Variants in CAMKK2 observed in about 807,000 individuals in gnomAD.
CAMKK2 encodes calcium/calmodulin dependent protein kinase kinase 2, also known as calcium/calmodulin-dependent protein kinase kinase 2.
Under a neutral mutation model 67.2 loss-of-function variants are expected in CAMKK2, and 30 were observed. That is an observed-to-expected ratio of 0.45 (90% CI 0.33 to 0.61). The LOEUF is 0.61. CAMKK2 is among the 20% of genes least tolerant of loss of function. The probability of loss-of-function intolerance (pLI) is 0.02; values close to 1 mark genes in which losing one functional copy is unlikely to be tolerated. For synonymous variants in CAMKK2, 322 were observed against 326.2 expected, an observed-to-expected ratio of 0.99 and a Z score of 0.14; for missense variants, 643 against 802.0, an observed-to-expected ratio of 0.80 and a Z score of 2.39.
chr12:121,255,915 G>T lies in CAMKK2; in HGVS notation c.797-111C>A, dbSNP rs1892185691. 5.0e-6 allele frequency: 5 copies of T among 996,292 alleles called. No homozygotes were observed. The Admixed American group carries it at 5.7e-5, about 11-fold the overall frequency. 61.7% of individuals were successfully genotyped at this position (996,292 alleles called of 1,614,324 possible). ...GAAACACCAAGAAAGACAGAAACTA[G>T]TATTAGAGCTGGGGAGAGGAACAGT... On this transcript the variant is annotated intron_variant, in intron 7 of 16. Coordinates refer to ENST00000404169, the MANE Select transcript of CAMKK2 (RefSeq NM_001270485.2).
intron 1 of CAMKK2, among the ~76,000 whole-genome samples, chr12:121,275,111 C>T (rs1274160909): frequency 2.0e-5 from 3 of 152,222 alleles, no homozygotes; most frequent in South Asian, 2.1e-4. Flanking sequence ...GCTGGTCTTC[C>T]CTTTGTTTTT....
intron 9 of CAMKK2, among the ~76,000 whole-genome samples, chr12:121,254,269 C>A (rs966138013): frequency 6.6e-6 from 1 of 151,994 alleles, no homozygotes; most frequent in African/African-American, 2.4e-5. Flanking sequence ...ACCAGCCTGG[C>A]CAACATAGCG....
At chr12:121,256,930 A>C (rs1225125892) in intron 7 of CAMKK2, among the ~76,000 whole-genome samples, 1 of 151,950 alleles carries the variant, frequency 6.6e-6, no homozygotes, top group Admixed American at 6.6e-5. Flanking sequence ...TATACCTAGG[A>C]GTGGAATTTC....
At chr12:121,291,307 G>A (rs1899970521) in intron 1 of CAMKK2, among the ~76,000 whole-genome samples, 1 of 152,178 alleles carries the variant, frequency 6.6e-6, no homozygotes, top group Non-Finnish European at 1.5e-5. Flanking sequence ...CATTAACTGA[G>A]GGGCTACAGA....
chr12:121,262,984 T>A (rs948012393), intron 6 of CAMKK2, among the ~76,000 whole-genome samples: 1 of 152,154 alleles, frequency 6.6e-6, no homozygotes, highest in Non-Finnish European at 1.5e-5. Context: ...TTTTTTTTTT[T>A]AGAGACAGAG....
In CAMKK2 at chr12:121,239,803, A is replaced by C. The variant is rs910412658; in HGVS notation, c.*896T>G. Reference sequence around the variant, plus strand: ...GGAAGCTCTAAATAGTTTCTGAACTACTGTGCTCTAGAGTTCACTCTAGTT... The same window carrying C: ...GGAAGCTCTAAATAGTTTCTGAACTCCTGTGCTCTAGAGTTCACTCTAGTT... On this transcript the variant is annotated 3_prime_UTR_variant, in exon 17 of 17. Transcript: ENST00000404169. 15 of 152,384 alleles carry C rather than the reference A, an allele frequency of 9.8e-5. No homozygotes were observed. Among genetic ancestry groups the C allele is most frequent in the African/African-American group, 3.4e-4 (14 of 41,448 alleles). The allele number at this position is 152,384 out of a possible 1,614,324, so 9.4% of individuals were successfully genotyped here.
chr12:121,253,243 A>T lies in CAMKK2; in HGVS notation c.1107+30T>A, dbSNP rs199631704. ...TCCAGAAGACACTAACACAGGCAGA[A>T]CTCTGTGGCTGAGGCAGGCCCAAGC... is the stretch of plus-strand genomic sequence containing the variant. On this transcript the variant is annotated intron_variant, in intron 10 of 16. Transcript: ENST00000404169. This position sits in a 1 kb window ranked among gnomAD's most constrained non-coding sequence, Gnocchi z 5.0. 10 of 1,597,328 alleles carry T rather than the reference A, an allele frequency of 6.3e-6. No individual in the cohort carries two copies. The highest frequency in any genetic ancestry group is 1.7e-4 in the Middle Eastern group (1 of 5,956).
chr12:121,246,253 C>T (rs1271281267), intron 14 of CAMKK2, among the ~76,000 whole-genome samples: 5 of 83,346 alleles, frequency 6.0e-5, no homozygotes, highest in African/African-American at 1.3e-4. Context: ...AAAGAAGGAG[C>T]GGGGGGGGGG....
At chr12:121,242,223 T>A (rs1033722952) in intron 16 of CAMKK2, among the ~76,000 whole-genome samples, 3 of 151,750 alleles carry the variant, frequency 2.0e-5, no homozygotes, top group Admixed American at 6.6e-5. Context: ...TAAACCCAGC[T>A]ACTCAGGAAG....
intron 5 of CAMKK2, among the ~76,000 whole-genome samples, chr12:121,264,494 G>A (rs1029621958): frequency 1.1e-4 from 16 of 152,084 alleles, no homozygotes; most frequent in African/African-American, 3.6e-4. Flanking sequence ...AAAAATTAGG[G>A]CCGGGCACAG....
Position 121,252,648 on chromosome 12 carries a change from C to G in CAMKK2, c.1161+13G>C, listed in dbSNP as rs751355234. The G allele has an allele frequency of 1.2e-6, 2 of 1,613,788 alleles. No individual in the cohort carries two copies. Among genetic ancestry groups the G allele is most frequent in the South Asian group, 1.1e-5 (1 of 91,068 alleles). ...CCAGCAGTACTGAGGGGACAGACAC[C>G]CCGCCCTCTTACCTGGCCAAAGACA... is the stretch of plus-strand genomic sequence containing the variant. On this transcript the variant is annotated intron_variant, in intron 11 of 16. Transcript: ENST00000404169.
intron 7 of CAMKK2, among the ~76,000 whole-genome samples, chr12:121,257,965 G>C (rs904982404): frequency 2.0e-5 from 3 of 152,022 alleles, no homozygotes; most frequent in Non-Finnish European, 2.9e-5. Flanking sequence ...ACCACTTTTG[G>C]GGCTGAGCAG....
chr12:121,277,673 T>C (rs1424483282), intron 1 of CAMKK2, among the ~76,000 whole-genome samples: 1 of 152,152 alleles, frequency 6.6e-6, no homozygotes, highest in Non-Finnish European at 1.5e-5. Flanking sequence ...GTATCTAGAA[T>C]AGTCAAATTC....
chr12:121,288,189 T>C (rs1221939957), intron 1 of CAMKK2, among the ~76,000 whole-genome samples: 2 of 151,958 alleles, frequency 1.3e-5, no homozygotes, highest in South Asian at 2.1e-4. Flanking sequence ...AAGGAAGAGG[T>C]TGGAAAACAA....
At chr12:121,296,739 G>C (rs1232847555), upstream of CAMKK2, 1 of 146,636 alleles carries the variant, frequency 6.8e-6, no homozygotes, top group African/African-American at 2.5e-5. This position sits in a 1 kb window ranked among gnomAD's most constrained non-coding sequence, Gnocchi z 7.1. Context: ...TCCTCCGCCC[G>C]GGCGGCGGGC....
intron 1 of CAMKK2, among the ~76,000 whole-genome samples, chr12:121,282,351 C>T (rs944920038): frequency 6.6e-6 from 1 of 152,082 alleles, no homozygotes; most frequent in African/African-American, 2.4e-5. Flanking sequence ...GGGCTCAGAC[C>T]CTGCTGTGAG....
In CAMKK2 at chr12:121,240,870, C is replaced by T; in HGVS notation, c.1597-1G>A. Reference sequence around the variant, plus strand: ...GAGGTTGTCTTCGCTGCCTTGCTTCCTGCTCACCGAACAGAAAACCAACAT... The same window carrying T: ...GAGGTTGTCTTCGCTGCCTTGCTTCTTGCTCACCGAACAGAAAACCAACAT... On this transcript the variant is annotated splice_acceptor_variant, in intron 16 of 16. Transcript: ENST00000404169. LOFTEE classifies it high-confidence loss of function. The surrounding 1 kb of genome is among the most constrained non-coding windows in gnomAD (Gnocchi z 4.4). 1 of 1,612,334 alleles carries T rather than the reference C, an allele frequency of 6.2e-7. No homozygotes were observed. The highest frequency in any genetic ancestry group is 8.5e-7 in the Non-Finnish European group (1 of 1,179,888).
intron 5 of CAMKK2, 132 bp from the exon 6 acceptor site, chr12:121,264,071 A>G (rs922411826): frequency 8.5e-6 from 7 of 821,324 alleles, no homozygotes; most frequent in Non-Finnish European, 1.3e-5. Flanking sequence ...TGCTGCCACC[A>G]GGGGCTTTAA....
chr12:121,296,786 G>C (rs1901362576), upstream of CAMKK2: 1 of 146,440 alleles, frequency 6.8e-6, no homozygotes, highest in Non-Finnish European at 1.5e-5. This position sits in a 1 kb window ranked among gnomAD's most constrained non-coding sequence, Gnocchi z 7.1. Flanking sequence ...CGCCCGGCTC[G>C]GCTTGGGCGC....
Sources: allele counts gnomAD v4.1 joint callset (sites outside exome capture counted in the v4.1 genomes callset), GRCh38; gene constraint gnomAD v4.1.1; non-coding constraint Gnocchi (gnomAD v3.1); transcripts MANE v1.5; gene names NCBI Gene and HGNC (gene_info 2026-07-23, HGNC 2026-07-21).